PTPRD: variants seen among roughly 807,000 people sequenced by gnomAD.
PTPRD encodes protein tyrosine phosphatase receptor type D, also known as receptor-type tyrosine-protein phosphatase delta.
Under a neutral mutation model 214.5 loss-of-function variants are expected in PTPRD, and 34 were observed. The ratio of observed to expected loss-of-function variants is 0.16; its 90% CI spans 0.12 to 0.21. The LOEUF (loss-of-function observed/expected upper bound fraction) is 0.21. Ranked by LOEUF, PTPRD falls within the 10% of genes least tolerant of loss-of-function variation. The probability of loss-of-function intolerance (pLI) is 1.00; values close to 1 mark genes in which losing one functional copy is unlikely to be tolerated. For synonymous variants in PTPRD, 1,128 were observed against 845.7 expected (o/e 1.33, Z -5.79); for missense variants, 2,545 against 2,398.7 (o/e 1.06, Z -1.27).
chr9:8,891,713 T>C (rs772184178), intron 11 of PTPRD, among the ~76,000 whole-genome samples: 1 of 152,100 alleles, frequency 6.6e-6, no homozygotes, highest in African/African-American at 2.4e-5. Flanking sequence ...GGCCAAGTAG[T>C]ATGTTAATGG....
intron 3 of PTPRD, among the ~76,000 whole-genome samples, chr9:10,336,392 T>A (rs1350144137): frequency 6.6e-6 from 1 of 151,614 alleles, no homozygotes; most frequent in Non-Finnish European, 1.5e-5. Flanking sequence ...GAAACGAGCA[T>A]GAGGATTATG....
intron 11 of PTPRD, among the ~76,000 whole-genome samples, chr9:9,001,547 T>A (rs1340601977): frequency 5.3e-5 from 8 of 151,988 alleles, no homozygotes; most frequent in African/African-American, 1.9e-4. Context: ...TTAGGTTCAA[T>A]ACTTAAAGCT....
chr9:8,340,373 C>T lies in PTPRD; in HGVS notation c.5223G>A (p.Val1741=), dbSNP rs2132350806. 6.2e-7 allele frequency: 1 copy of T among 1,610,054 alleles called. No homozygotes were observed. Among genetic ancestry groups the T allele is most frequent in the Non-Finnish European group, 8.5e-7 (1 of 1,177,146 alleles). Residue 1741 remains valine (V), a synonymous_variant, in exon 42 of 46, where the codon GTG becomes GTA. Transcript: ENST00000381196. ...CCATTTCACGCAGCTTGGTGAGCAT[C>T]ACAACTATGGTGGAATTGTGTTCCC... ...MLWEHNSTIV[V]MLTKLREMGR...
intron 11 of PTPRD, among the ~76,000 whole-genome samples, chr9:8,758,236 T>C (rs565005098): frequency 2.0e-5 from 3 of 152,296 alleles, no homozygotes; most frequent in South Asian, 2.1e-4. Flanking sequence ...AAGATAATCA[T>C]GCCCTACAGA....
intron 30 of PTPRD, among the ~76,000 whole-genome samples, chr9:8,474,565 C>A (rs2096725899): frequency 2.0e-5 from 3 of 152,308 alleles, no homozygotes; most frequent in Admixed American, 2.0e-4. Flanking sequence ...TCAGCAACCC[C>A]AGTTAGGCCT....
intron 10 of PTPRD, among the ~76,000 whole-genome samples, chr9:9,146,832 G>C (rs1275051074): frequency 6.6e-6 from 1 of 152,102 alleles, no homozygotes; most frequent in African/African-American, 2.4e-5. Flanking sequence ...AGGAAACATA[G>C]TTTATAAATA....
chr9:9,658,109 T>C (rs1408675332), intron 7 of PTPRD, among the ~76,000 whole-genome samples: 1 of 152,192 alleles, frequency 6.6e-6, no homozygotes, highest in African/African-American at 2.4e-5. Context: ...GTTTTATTTT[T>C]TTTATTTAAT....
At chr9:10,013,533 AAGTC>A (rs1379081826) in intron 4 of PTPRD, among the ~76,000 whole-genome samples, 5 of 151,864 alleles carry the variant, frequency 3.3e-5, no homozygotes, top group Admixed American at 1.3e-4. Flanking sequence ...TTCAGAGGTA[AAGTC>A]AGTGTACAAA....
intron 9 of PTPRD, among the ~76,000 whole-genome samples, chr9:9,197,945 G>A (rs2099939588): frequency 6.6e-6 from 1 of 152,144 alleles, no homozygotes; most frequent in Non-Finnish European, 1.5e-5. Flanking sequence ...ATAGCATCAA[G>A]CTTTTTGACA....
chr9:9,959,962 T>C (rs146788933), intron 4 of PTPRD, among the ~76,000 whole-genome samples: 129 of 152,284 alleles, frequency 8.5e-4, no homozygotes, highest in African/African-American at 2.9e-3. Flanking sequence ...TAAGCACATA[T>C]ATTTTTTGCT....
rs191330100 is a variant in PTPRD at position 8,318,046 on chromosome 9, G to C, written c.5671-104C>G. On this transcript the variant is annotated intron_variant, in intron 45 of 45. Transcript: ENST00000381196. ...GCATAACAAAATAACATCTATATAG[G>C]GGCAAAATCACTACTTTCGTCAACT... 137 of 1,104,680 alleles carry C rather than the reference G, an allele frequency of 1.2e-4. No homozygotes were observed. In the African/African-American group the frequency reaches 2.1e-3, roughly 17 times the overall value. 68.4% of individuals were successfully genotyped at this position (1,104,680 alleles called of 1,614,324 possible).
intron 2 of PTPRD, among the ~76,000 whole-genome samples, chr9:10,450,683 G>T (rs898038630): frequency 6.6e-6 from 1 of 151,910 alleles, no homozygotes; most frequent in Non-Finnish European, 1.5e-5. Flanking sequence ...GCTTTCCTCA[G>T]TCCGTGCACT....
At chr9:9,960,777 A>G (rs538119768) in intron 4 of PTPRD, among the ~76,000 whole-genome samples, 2 of 152,284 alleles carry the variant, frequency 1.3e-5, no homozygotes, top group Non-Finnish European at 2.9e-5. Flanking sequence ...ACTAAATATA[A>G]TGTAATATCC....
chr9:8,957,209 T>C (rs2099135907), intron 11 of PTPRD, among the ~76,000 whole-genome samples: 1 of 151,824 alleles, frequency 6.6e-6, no homozygotes, highest in African/African-American at 2.4e-5. Flanking sequence ...CACGTAACTT[T>C]CATCCTTTTA....
intron 4 of PTPRD, among the ~76,000 whole-genome samples, chr9:9,989,016 C>CAAAAAAAAAAAAAAA (rs397836899): frequency 2.8e-4 from 10 of 36,282 alleles, no homozygotes; most frequent in African/African-American, 6.9e-4. Flanking sequence ...TTTCACTGAC[C>CAAAAAAAAAAAAAAA]AAAAAAAAAA....
At chr9:10,490,135 G>C (rs1028256066) in intron 2 of PTPRD, among the ~76,000 whole-genome samples, 10 of 152,210 alleles carry the variant, frequency 6.6e-5, no homozygotes, top group Admixed American at 5.9e-4. Flanking sequence ...AATTGTTTAA[G>C]TGATCAATCC....
At chr9:10,388,138 G>A (rs1355437616) in intron 2 of PTPRD, among the ~76,000 whole-genome samples, 1 of 151,546 alleles carries the variant, frequency 6.6e-6, no homozygotes, top group Non-Finnish European at 1.5e-5. Context: ...TGGATTAAAA[G>A]GGAAAATGGA....
At chr9:9,637,536 A>G (rs1272545352) in intron 7 of PTPRD, among the ~76,000 whole-genome samples, 1 of 152,142 alleles carries the variant, frequency 6.6e-6, no homozygotes, top group African/African-American at 2.4e-5. Flanking sequence ...TCATTTACAC[A>G]CCTTCCTGGT....
intron 2 of PTPRD, among the ~76,000 whole-genome samples, chr9:10,467,009 G>A (rs77494058): frequency 0.047 from 7,105 of 152,166 alleles, 461 homozygotes; most frequent in African/African-American, 0.14. Flanking sequence ...AGAGTTCCCC[G>A]GGAACCACAT....
Sources: allele counts gnomAD v4.1 joint callset (sites outside exome capture counted in the v4.1 genomes callset), GRCh38; gene constraint gnomAD v4.1.1; transcripts MANE v1.5; gene names NCBI Gene and HGNC (gene_info 2026-07-23, HGNC 2026-07-21).